HCN1: variants seen among roughly 807,000 people sequenced by gnomAD.
HCN1 encodes the protein hyperpolarization activated cyclic nucleotide gated potassium channel 1, also known as potassium/sodium hyperpolarization-activated cyclic nucleotide-gated channel 1.
HCN1 carries 13 observed loss-of-function variants against 78.9 expected under a neutral mutation model. The ratio of observed to expected loss-of-function variants is 0.16; its 90% confidence interval spans 0.11 to 0.26. HCN1 has a LOEUF of 0.26. Ranked by LOEUF, HCN1 falls within the 10% of genes least tolerant of loss-of-function variation. The pLI, the probability that HCN1 is intolerant of heterozygous loss-of-function variation, is 1.00. For missense variants in HCN1, 810 were observed against 1,154.3 expected, an observed-to-expected ratio of 0.70 and a Z score of 4.32; for synonymous variants, 552 against 455.5, an observed-to-expected ratio of 1.21 and a Z score of -2.70.
At chr5:45,462,352 T>C (rs2111628307) in intron 2 of HCN1, among the ~76,000 whole-genome samples, 1 of 152,258 alleles carries the variant, frequency 6.6e-6, no homozygotes, top group East Asian at 1.9e-4. Flanking sequence ...AATTTACAAA[T>C]GATGGGTAGC....
intron 5 of HCN1, among the ~76,000 whole-genome samples, chr5:45,320,870 G>C (rs533039899): frequency 6.6e-6 from 1 of 151,668 alleles, no homozygotes; most frequent in Admixed American, 6.6e-5. Context: ...ATTTCTATTC[G>C]TCACAGTTTT....
rs186361467 is a variant in HCN1, at chr5:45,314,728, G to A, written c.1378-10889C>T. Among the ~76,000 whole-genome samples the A allele has an allele frequency of 3.0e-3, 451 of 152,086 alleles. 2 individuals carry two copies. Among genetic ancestry groups the A allele is most frequent in the Non-Finnish European group, 5.4e-3 (365 of 68,014 alleles). Reference sequence around the variant, plus strand: ...AAAGGGATAGAGGAAGATCTACCAAGCAAATAGAAAACAAAAAAAGGCAGG... The same window carrying A: ...AAAGGGATAGAGGAAGATCTACCAAACAAATAGAAAACAAAAAAAGGCAGG... On this transcript the variant is annotated intron_variant, in intron 5 of 7. Coordinates refer to ENST00000303230, the MANE Select transcript of HCN1 (RefSeq NM_021072.4).
chr5:45,522,932 T>A (rs1175150579), intron 2 of HCN1, among the ~76,000 whole-genome samples: 2 of 152,082 alleles, frequency 1.3e-5, no homozygotes, highest in Non-Finnish European at 2.9e-5. Context: ...TATGTATACA[T>A]GTGCCATGCT....
At position 45,467,595 on chromosome 5, in the gene HCN1, AT is replaced by A. The variant is rs556657363; in HGVS notation, c.850-5589del. On this transcript the variant is annotated intron_variant, in intron 2 of 7. Transcript: ENST00000303230. Reference sequence around the variant, plus strand: ...CAAACTGTGTAGCTTGTACTACTTAATTTTTTTTAAAGGATAGCAACCTTAG... The same window carrying A: ...CAAACTGTGTAGCTTGTACTACTTAATTTTTTTAAAGGATAGCAACCTTAG... Among the ~76,000 whole-genome samples the A allele has an allele frequency of 3.6e-4, 55 of 152,046 alleles. No individual in the cohort carries two copies. The South Asian group carries it at 0.011, about 30-fold the overall frequency.
At chr5:45,363,580 T>G (rs1227832894) in intron 4 of HCN1, among the ~76,000 whole-genome samples, 1 of 152,138 alleles carries the variant, frequency 6.6e-6, no homozygotes, top group South Asian at 2.1e-4. Flanking sequence ...TTTTTCATGG[T>G]GATATGGTTT....
At chr5:45,299,647 T>C (rs1163698900) in intron 6 of HCN1, among the ~76,000 whole-genome samples, 2 of 151,896 alleles carry the variant, frequency 1.3e-5, no homozygotes, top group East Asian at 3.9e-4. Context: ...CCTAAAGAAA[T>C]AGAAAACCTG....
intron 2 of HCN1, among the ~76,000 whole-genome samples, chr5:45,632,197 T>C (rs73103084): frequency 6.6e-6 from 1 of 152,088 alleles, no homozygotes; most frequent in African/African-American, 2.4e-5. Flanking sequence ...CAATACTCCA[T>C]TCTTCAGTTC....
At chr5:45,266,715 T>C (rs918393368) in intron 7 of HCN1, among the ~76,000 whole-genome samples, 22 of 151,874 alleles carry the variant, frequency 1.4e-4, no homozygotes, top group African/African-American at 5.1e-4. Context: ...TTTTTTTTTT[T>C]TTTTTTTCTC....
intron 2 of HCN1, among the ~76,000 whole-genome samples, chr5:45,593,212 GCACACA>G (rs58822250): frequency 6.9e-4 from 103 of 149,334 alleles, no homozygotes; most frequent in African/African-American, 1.3e-3. Context: ...GCACGCACGC[GCACACA>G]CACACACACA....
At chr5:45,538,053 T>C (rs1422360633) in intron 2 of HCN1, among the ~76,000 whole-genome samples, 2 of 151,364 alleles carry the variant, frequency 1.3e-5, no homozygotes, top group Non-Finnish European at 2.9e-5. Context: ...AAAACAAATC[T>C]GCATAGTTAA....
chr5:45,572,995 GAGCAAACACCTGCATT>G (rs1743865120), intron 2 of HCN1, among the ~76,000 whole-genome samples: 1 of 152,022 alleles, frequency 6.6e-6, no homozygotes, highest in Non-Finnish European at 1.5e-5. Context: ...CATAACATTT[GAGCAAACACCTGCATT>G]AGCATTTGTT....
intron 4 of HCN1, among the ~76,000 whole-genome samples, chr5:45,364,007 C>A (rs1747180203): frequency 6.6e-6 from 1 of 152,044 alleles, no homozygotes; most frequent in Non-Finnish European, 1.5e-5. Flanking sequence ...ACCCCAAATT[C>A]TTTTATTAGG....
At position 45,469,784 on chromosome 5, in the gene HCN1, A is replaced by AGTGT. The variant is rs148412684; in HGVS notation, c.850-7781_850-7778dup. ...TAATTAAAAATCCTAATTATAAAGG[A>AGTGT]GTGTGTGTGTGTGTGTGTGTGTGTT... On this transcript the variant is annotated intron_variant, in intron 2 of 7. Transcript: ENST00000303230. 3.4e-3 allele frequency among the ~76,000 whole-genome samples: 513 copies of AGTGT among 148,748 alleles called. 1 individual carries two copies. Among genetic ancestry groups the AGTGT allele is most frequent in the African/African-American group, 0.01 (425 of 40,814 alleles).
At chr5:45,492,291 T>C (rs1479691138) in intron 2 of HCN1, among the ~76,000 whole-genome samples, 2 of 140,026 alleles carry the variant, frequency 1.4e-5, no homozygotes, top group East Asian at 4.0e-4. Context: ...ACCAAAACTC[T>C]GTGTATGTGT....
chr5:45,353,287 A>G, intron 4 of HCN1, 41 bp from the exon 5 acceptor site: 1 of 1,386,192 alleles, frequency 7.2e-7, no homozygotes, highest in Non-Finnish European at 1.0e-6. Context: ...AAACATTGTT[A>G]GGGTGTATCA....
At chr5:45,545,375 A>C (rs1191365355) in intron 2 of HCN1, among the ~76,000 whole-genome samples, 3 of 152,022 alleles carry the variant, frequency 2.0e-5, no homozygotes, top group Non-Finnish European at 4.4e-5. Flanking sequence ...AGATTGTAAA[A>C]ATTTTCTCCC....
chr5:45,387,354 T>C (rs1747945185), intron 4 of HCN1, among the ~76,000 whole-genome samples: 1 of 152,098 alleles, frequency 6.6e-6, no homozygotes, highest in Non-Finnish European at 1.5e-5. Flanking sequence ...CAAATTTCCT[T>C]TTCTTAAGAA....
At chr5:45,323,301 C>T (rs550937756) in intron 5 of HCN1, among the ~76,000 whole-genome samples, 1 of 151,810 alleles carries the variant, frequency 6.6e-6, no homozygotes, top group African/African-American at 2.4e-5. Context: ...GAAATCATAA[C>T]ATTTTGGATA....
intron 3 of HCN1, among the ~76,000 whole-genome samples, chr5:45,414,234 C>G (rs528823489): frequency 2.4e-4 from 37 of 152,092 alleles, no homozygotes; most frequent in Non-Finnish European, 4.6e-4. Context: ...GGTCTCACTC[C>G]AATACCATCT....
Sources: gnomAD v4.1 joint callset for allele counts (sites outside exome capture counted in the v4.1 genomes callset) on GRCh38, gnomAD v4.1.1 for gene constraint, MANE v1.5 for transcripts, NCBI Gene and HGNC (gene_info 2026-07-23, HGNC 2026-07-21) for gene names.